SLC26A3: variants seen among roughly 807,000 people sequenced by gnomAD.
SLC26A3 encodes the protein solute carrier family 26 member 3.
SLC26A3 carries 64 observed loss-of-function variants against 85.6 expected under a neutral mutation model. That is an observed-to-expected ratio of 0.75 (90% confidence interval 0.61 to 0.92). The LOEUF is 0.92. SLC26A3 is among the 40% of genes least tolerant of loss of function. SLC26A3 has a pLI of 0.00. For missense variants in SLC26A3, 922 were observed against 927.3 expected (o/e 0.99, Z 0.07); for synonymous variants, 349 against 336.0 (o/e 1.04, Z -0.42).
At position 107,783,309 on chromosome 7, in the gene SLC26A3, T is replaced by A; in HGVS notation, c.1015A>T (p.Thr339Ser). Residue 339 changes from threonine to serine, a missense_variant, in exon 9 of 21, where the codon ACC becomes TCC. Physicochemically the swap from Thr to Ser is moderately conservative, Grantham distance 58. Coordinates refer to ENST00000340010, the MANE Select transcript of SLC26A3 (RefSeq NM_000111.3). ...GCGATGCCGAAGCAATCTCCTACGG[T>A]GTTTTGGAAAGTCTCCACGTCAGGT... ...ITPDVETFQN[T>S]VGDCFGIAMV... is the part of the protein sequence containing the mutation. 1.2e-6 allele frequency: 2 copies of A among 1,614,130 alleles called. No individual in the cohort carries two copies. Among genetic ancestry groups the A allele is most frequent in the Non-Finnish European group, 8.5e-7 (1 of 1,180,006 alleles).
chr7:107,774,288 A>G, intron 16 of SLC26A3, 135 bp from the exon 17 acceptor site: 1 of 749,250 alleles, frequency 1.3e-6, no homozygotes. Context: ...GTGGTGGCTC[A>G]TGCCTGTCAT....
chr7:107,795,019 GT>G (rs1053274784), intron 1 of SLC26A3, among the ~76,000 whole-genome samples: 3 of 151,766 alleles, frequency 2.0e-5, no homozygotes, highest in Non-Finnish European at 2.9e-5. Context: ...TTTAAAATTT[GT>G]TTTTTTTACC....
intron 10 of SLC26A3, 32 bp downstream of exon 10, chr7:107,782,948 G>A (rs1279399286): frequency 1.2e-6 from 2 of 1,612,640 alleles, no homozygotes; most frequent in East Asian, 2.2e-5. Context: ...ACTAACGCTA[G>A]GACAGTGCTT....
At chr7:107,796,781 A>G (rs1333666082) in intron 1 of SLC26A3, among the ~76,000 whole-genome samples, 1 of 121,026 alleles carries the variant, frequency 8.3e-6, no homozygotes, top group Non-Finnish European at 1.8e-5. Context: ...AGCCAACCTT[A>G]GGATGAAGAA....
intron 20 of SLC26A3, among the ~76,000 whole-genome samples, chr7:107,766,149 C>T (rs188292234): frequency 5.9e-5 from 9 of 152,224 alleles, no homozygotes; most frequent in Admixed American, 5.9e-4. Flanking sequence ...GTGTGTTGGC[C>T]TGGTATATTC....
intron 8 of SLC26A3, among the ~76,000 whole-genome samples, chr7:107,786,267 A>G (rs759653265): frequency 3.9e-5 from 6 of 152,130 alleles, no homozygotes; most frequent in Non-Finnish European, 7.4e-5. Flanking sequence ...GTTTCACTTG[A>G]TGTTTCTTTA....
At chr7:107,784,687 C>G (rs1412185069) in intron 8 of SLC26A3, among the ~76,000 whole-genome samples, 1 of 152,224 alleles carries the variant, frequency 6.6e-6, no homozygotes, top group Non-Finnish European at 1.5e-5. Context: ...CCGCCTCGAC[C>G]TCCCAACGTG....
At chr7:107,774,295 T>C in intron 16 of SLC26A3, 142 bp from the exon 17 acceptor site, 1 of 730,430 alleles carries the variant, frequency 1.4e-6, no homozygotes. Context: ...CTCATGCCTG[T>C]CATCCCAGCA....
At chr7:107,785,620 C>A (rs1794280990) in intron 8 of SLC26A3, among the ~76,000 whole-genome samples, 1 of 152,004 alleles carries the variant, frequency 6.6e-6, no homozygotes, top group Admixed American at 6.6e-5. Flanking sequence ...TTCAAAGTGG[C>A]AGAATAGAAG....
chr7:107,798,207 G>A (rs1024407983), intron 1 of SLC26A3, among the ~76,000 whole-genome samples: 3 of 150,904 alleles, frequency 2.0e-5, no homozygotes, highest in Non-Finnish European at 2.9e-5. Flanking sequence ...TCTTGGTGCT[G>A]TGGCTTAGTC....
intron 1 of SLC26A3, among the ~76,000 whole-genome samples, chr7:107,797,601 G>C (rs1323421053): frequency 6.6e-6 from 1 of 152,120 alleles, no homozygotes; most frequent in African/African-American, 2.4e-5. Context: ...GCTTCCAAAA[G>C]CTATGCCTCC....
rs143591547 is a variant in SLC26A3 at position 107,784,301 on chromosome 7, T to C, written c.972-949A>G. ...TTGTTTTTTAATAACCAGGATCTTA[T>C]TATTCTTTTGTTCTGGTCTCTGAAC... is the stretch of plus-strand genomic sequence containing the variant. On this transcript the variant is annotated intron_variant, in intron 8 of 20. Coordinates refer to ENST00000340010, the MANE Select transcript of SLC26A3 (RefSeq NM_000111.3). Among the ~76,000 whole-genome samples the C allele has an allele frequency of 3.3e-4, 50 of 152,362 alleles. No individual in the cohort carries two copies. The East Asian group carries it at 9.2e-3, about 28-fold the overall frequency.
Position 107,787,389 on chromosome 7 carries a change from G to A in SLC26A3, c.856C>T (p.Leu286Phe). The A allele has an allele frequency of 1.2e-6, 2 of 1,614,086 alleles. No homozygotes were observed. The highest frequency in any genetic ancestry group is 2.2e-5 in the South Asian group (2 of 91,082). The change falls in exon 7 of 21, where the codon CTT (leucine) becomes TTT (phenylalanine). Residue 286 changes from leucine (L) to phenylalanine (F), a missense_variant. Leu to Phe is a conservative substitution (Grantham distance 22). Transcript: ENST00000340010. ...AATTCGATTGGAATGGGCACTGGAA[G>A]TTTGTCTTTGAAGCGCTGATTTATT... ...KEINQRFKDK[L>F]PVPIPIEFIM...
At chr7:107,775,507 G>A (rs182535017) in intron 15 of SLC26A3, among the ~76,000 whole-genome samples, 3 of 152,072 alleles carry the variant, frequency 2.0e-5, no homozygotes, top group East Asian at 1.9e-4. Context: ...GGAGGATTGC[G>A]TGAGGCCACG....
At position 107,794,376 on chromosome 7, in the gene SLC26A3, T is replaced by A. The variant is rs1794458763; in HGVS notation, c.131+3A>T. 2 of 1,613,786 alleles carry A rather than the reference T, an allele frequency of 1.2e-6. No individual in the cohort carries two copies. The highest frequency in any genetic ancestry group is 3.3e-5 in the Admixed American group (2 of 60,002). ...AATGCCAATACCTTAAAAAATATCT[T>A]ACCTACAACACACTTTGAGATGATC... On this transcript the variant is annotated splice_donor_region_variant and intron_variant, in intron 2 of 20. Coordinates refer to ENST00000340010, the MANE Select transcript of SLC26A3 (RefSeq NM_000111.3).
At chr7:107,768,139 G>T (rs1303272072) in intron 18 of SLC26A3, among the ~76,000 whole-genome samples, 1 of 152,168 alleles carries the variant, frequency 6.6e-6, no homozygotes, top group Non-Finnish European at 1.5e-5. Flanking sequence ...GTAAAAAGGA[G>T]GAAGGCAAAG....
chr7:107,793,224 T>C (rs1794432885), intron 3 of SLC26A3, among the ~76,000 whole-genome samples: 1 of 152,196 alleles, frequency 6.6e-6, no homozygotes, highest in Non-Finnish European at 1.5e-5. Context: ...GATCCAGCAA[T>C]TACAATCCTA....
At chr7:107,768,647 G>A (rs1584399490) in intron 18 of SLC26A3, among the ~76,000 whole-genome samples, 1 of 152,194 alleles carries the variant, frequency 6.6e-6, no homozygotes, top group East Asian at 1.9e-4. Context: ...TGTTTTCTTA[G>A]TTTTAAAAAA....
intron 13 of SLC26A3, among the ~76,000 whole-genome samples, chr7:107,777,717 C>T (rs930549255): frequency 4.6e-5 from 7 of 152,134 alleles, no homozygotes; most frequent in African/African-American, 1.4e-4. Flanking sequence ...GAGAAGTTCT[C>T]TAATCCAGCT....
Sources: allele counts gnomAD v4.1 joint callset (sites outside exome capture counted in the v4.1 genomes callset), GRCh38; gene constraint gnomAD v4.1.1; transcripts MANE v1.5; gene names NCBI Gene and HGNC (gene_info 2026-07-23, HGNC 2026-07-21).